MAGI3: variants seen among roughly 807,000 people sequenced by gnomAD.
The protein encoded by MAGI3 is membrane-associated guanylate kinase, WW and PDZ domain-containing protein 3.
In MAGI3, 43 loss-of-function variants were observed where a neutral mutation model predicts 121.8. The observed-to-expected ratio is 0.35, with a 90% confidence interval of 0.28 to 0.46. The LOEUF (loss-of-function observed/expected upper bound fraction) is 0.46. Ranked by LOEUF, MAGI3 falls within the 20% of genes least tolerant of loss-of-function variation. The pLI, the probability that MAGI3 is intolerant of heterozygous loss-of-function variation, is 1.00. For synonymous variants in MAGI3, 553 were observed against 639.3 expected (o/e 0.86, Z 2.04); for missense variants, 1,547 against 1,797.3 (o/e 0.86, Z 2.52).
intron 1 of MAGI3, among the ~76,000 whole-genome samples, chr1:113,483,921 CTGTTTTCTTCCCTGACCCATTTGAG>C (rs1411928874): frequency 1.3e-5 from 2 of 151,670 alleles, no homozygotes; most frequent in Non-Finnish European, 2.9e-5. Flanking sequence ...GTGTGTTTAT[CTGTTTTCTTCCCTGACCCATTTGAG>C]AGTGAGTTGC....
At chr1:113,423,259 T>TTGG (rs1553183592) in intron 1 of MAGI3, among the ~76,000 whole-genome samples, 1 of 120,228 alleles carries the variant, frequency 8.3e-6, no homozygotes, top group African/African-American at 3.1e-5. Context: ...TTTTTTTTTT[T>TTGG]GGGGGGGGGG....
intron 9 of MAGI3, among the ~76,000 whole-genome samples, chr1:113,633,238 A>ATTTTTTTTTTTTT (rs71090716): frequency 3.5e-5 from 2 of 56,670 alleles, no homozygotes; most frequent in Non-Finnish European, 6.5e-5. Context: ...TGAACTCATC[A>ATTTTTTTTTTTTT]TTTTTTTTTT....
In MAGI3 at chr1:113,618,592, G is replaced by A. The variant is rs551100957; in HGVS notation, c.1077-1144G>A. On this transcript the variant is annotated intron_variant, in intron 7 of 20. Transcript: ENST00000307546. ...ATGATCTCGGCTCACTGCAACCTCC[G>A]CCTCCTGGGTTCAAGTGAGTCTCCT... 108 of 425,216 alleles carry A rather than the reference G, an allele frequency of 2.5e-4. 2 individuals are homozygous for A. The highest frequency in any genetic ancestry group is 7.7e-4 in the Middle Eastern group (1 of 1,292). The allele number at this position is 425,216 out of a possible 1,614,324, so 26.3% of individuals were successfully genotyped here. A position where few individuals can be genotyped will look rare whatever the true frequency, so the allele number is the denominator to read the frequency against.
intron 16 of MAGI3, among the ~76,000 whole-genome samples, chr1:113,662,682 A>C (rs961703394): frequency 6.6e-6 from 1 of 152,086 alleles, no homozygotes; most frequent in South Asian, 2.1e-4. Flanking sequence ...AGTATGTTTT[A>C]TGTACTGCAT....
chr1:113,407,089 GT>G (rs548950393), intron 1 of MAGI3, among the ~76,000 whole-genome samples: 87 of 152,280 alleles, frequency 5.7e-4, no homozygotes, highest in Admixed American at 9.8e-4. Context: ...ACCAGTGGGG[GT>G]CTGTTAGCCA....
intron 5 of MAGI3, 89 bp from the exon 6 acceptor site, chr1:113,594,392 A>ATG: frequency 1.1e-6 from 1 of 879,306 alleles, no homozygotes; most frequent in Non-Finnish European, 1.6e-6. Flanking sequence ...TTCAAACATC[A>ATG]TGTCTTTTAG....
intron 1 of MAGI3, among the ~76,000 whole-genome samples, chr1:113,423,246 G>A (rs905965929): frequency 4.5e-5 from 5 of 110,118 alleles, no homozygotes; most frequent in Admixed American, 9.5e-5. Context: ...GTAAGTATTC[G>A]TTTTTTTTTT....
intron 1 of MAGI3, among the ~76,000 whole-genome samples, chr1:113,489,326 T>A (rs1432156887): frequency 6.6e-6 from 1 of 152,106 alleles, no homozygotes; most frequent in Non-Finnish European, 1.5e-5. Flanking sequence ...TCTGCTGAAT[T>A]CACCTATACC....
At chr1:113,619,640 C>G in intron 7 of MAGI3, 96 bp from the exon 8 acceptor site, 1 of 803,342 alleles carries the variant, frequency 1.2e-6, no homozygotes, top group Non-Finnish European at 2.1e-6. Flanking sequence ...CATATTTGTC[C>G]CCTAATCTAT....
chr1:113,391,174 G>T lies in MAGI3; in HGVS notation c.141G>T (p.Arg47=). 6.4e-7 allele frequency: 1 copy of T among 1,553,708 alleles called. No individual in the cohort carries two copies. Among genetic ancestry groups the T allele is most frequent in the Non-Finnish European group, 8.7e-7 (1 of 1,149,258 alleles). The change falls in exon 1 of 21, where the codon CGG becomes CGT. Residue 47 remains arginine, a synonymous_variant. Transcript: ENST00000307546. The surrounding 1 kb of genome is among the most constrained non-coding windows in gnomAD (Gnocchi z 4.4). The part of the protein sequence containing the change: ...AERGEFPYLG[R]LREEPGGGTC... ...GTGGCGAGTTCCCCTACCTGGGGCG[G>T]CTCCGCGAGGAGCCCGGCGGGGGCA...
At chr1:113,554,789 A>C (rs1659922170) in intron 2 of MAGI3, among the ~76,000 whole-genome samples, 1 of 152,092 alleles carries the variant, frequency 6.6e-6, no homozygotes, top group Non-Finnish European at 1.5e-5. Flanking sequence ...GAAGAAAACC[A>C]TATCAAAGGA....
intron 1 of MAGI3, among the ~76,000 whole-genome samples, chr1:113,480,480 A>C (rs993376624): frequency 6.6e-6 from 1 of 152,130 alleles, no homozygotes; most frequent in African/African-American, 2.4e-5. Context: ...CTGGGTCCAC[A>C]GGGGTTGACC....
rs1222357743 is a variant in MAGI3 at position 113,416,348 on chromosome 1, TTA to T, written c.316+25005_316+25006del. Reference sequence around the variant, plus strand: ...TAATTATATATCAATCATATATTAATTATATATTAATTTATATTATATTAATA... The same window carrying T: ...TAATTATATATCAATCATATATTAATTATATTAATTTATATTATATTAATA... On this transcript the variant is annotated intron_variant, in intron 1 of 20. Coordinates refer to ENST00000307546, the MANE Select transcript of MAGI3 (RefSeq NM_001142782.2). Among the ~76,000 whole-genome samples, 3 of 66,870 alleles carry T rather than the reference TTA, an allele frequency of 4.5e-5. No homozygotes were observed. The South Asian group carries it at 1.5e-3, about 33-fold the overall frequency. The allele number at this position is 66,870 out of a possible 152,430, so 43.9% of individuals were successfully genotyped here. A position where few individuals can be genotyped will look rare whatever the true frequency, so the allele number is the denominator to read the frequency against.
At chr1:113,428,862 T>C (rs1299967235) in intron 1 of MAGI3, among the ~76,000 whole-genome samples, 2 of 152,206 alleles carry the variant, frequency 1.3e-5, no homozygotes, top group African/African-American at 4.8e-5. Flanking sequence ...CAAATCATAC[T>C]TCAGAGTTTT....
chr1:113,459,057 A>G (rs1413791789), intron 1 of MAGI3, among the ~76,000 whole-genome samples: 1 of 152,198 alleles, frequency 6.6e-6, no homozygotes, highest in African/African-American at 2.4e-5. Context: ...TGTAACATAT[A>G]CATTATATAA....
chr1:113,510,922 C>G (rs1158657776), intron 1 of MAGI3, among the ~76,000 whole-genome samples: 2 of 152,154 alleles, frequency 1.3e-5, no homozygotes, highest in South Asian at 2.1e-4. Flanking sequence ...ATTCTGCATC[C>G]TTATAACACT....
intron 2 of MAGI3, among the ~76,000 whole-genome samples, chr1:113,556,996 T>C (rs545673854): frequency 3.3e-4 from 50 of 152,192 alleles, no homozygotes; most frequent in Non-Finnish European, 4.1e-4. Flanking sequence ...AAATCCTCTA[T>C]CTATTAAAGA....
intron 1 of MAGI3, among the ~76,000 whole-genome samples, chr1:113,392,613 C>T (rs1312310723): frequency 6.6e-6 from 1 of 152,104 alleles, no homozygotes; most frequent in East Asian, 1.9e-4. Context: ...CTCCTAAGGT[C>T]ATAATTAAGA....
intron 6 of MAGI3, among the ~76,000 whole-genome samples, chr1:113,599,761 A>T (rs1649249970): frequency 6.6e-6 from 1 of 151,822 alleles, no homozygotes; most frequent in South Asian, 2.1e-4. Flanking sequence ...GGGCAGAGAC[A>T]CAACCAAAAA....
Sources: allele counts gnomAD v4.1 joint callset (sites outside exome capture counted in the v4.1 genomes callset), GRCh38; gene constraint gnomAD v4.1.1; non-coding constraint Gnocchi (gnomAD v3.1); transcripts MANE v1.5; gene names NCBI Gene and HGNC (gene_info 2026-07-23, HGNC 2026-07-21).